SGCZ: variants seen among roughly 807,000 people sequenced by gnomAD.
SGCZ encodes the protein sarcoglycan zeta, also known as zeta-sarcoglycan.
SGCZ carries 40 observed loss-of-function variants against 41.3 expected under a neutral mutation model. The observed-to-expected ratio is 0.97, with a 90% CI of 0.75 to 1.26. The LOEUF (loss-of-function observed/expected upper bound fraction) is 1.26, where lower values mean the gene tolerates loss of function less well. Ranked by LOEUF, SGCZ falls within the 50% of genes most tolerant of loss-of-function variation. SGCZ has a pLI of 0.00. For missense variants in SGCZ, 552 were observed against 369.8 expected (o/e 1.49, Z -4.04); for synonymous variants, 206 against 137.5 (o/e 1.50, Z -3.49).
chr8:14,645,172 G>A (rs923279172), intron 1 of SGCZ, among the ~76,000 whole-genome samples: 1 of 151,606 alleles, frequency 6.6e-6, no homozygotes, highest in African/African-American at 2.4e-5. Context: ...ACTATAAAAT[G>A]AGGAATGGAT....
chr8:14,569,840 C>T (rs1421528434), intron 1 of SGCZ, among the ~76,000 whole-genome samples: 1 of 151,912 alleles, frequency 6.6e-6, no homozygotes, highest in Non-Finnish European at 1.5e-5. Flanking sequence ...GGCTGAAATA[C>T]TTGTTCAGGG....
At chr8:15,113,342 T>C (rs1349443183) in intron 1 of SGCZ, among the ~76,000 whole-genome samples, 1 of 152,206 alleles carries the variant, frequency 6.6e-6, no homozygotes, top group Non-Finnish European at 1.5e-5. Context: ...TGAAGTTCTC[T>C]ATTCATCTAT....
chr8:14,715,125 T>G (rs1168288432), intron 1 of SGCZ, among the ~76,000 whole-genome samples: 1 of 152,116 alleles, frequency 6.6e-6, no homozygotes, highest in Non-Finnish European at 1.5e-5. Flanking sequence ...TGCATATTCA[T>G]GGAAATCTGG....
chr8:14,476,468 A>G (rs564691445), intron 2 of SGCZ, among the ~76,000 whole-genome samples: 12 of 152,096 alleles, frequency 7.9e-5, no homozygotes, highest in African/African-American at 2.9e-4. Flanking sequence ...ATGCATGTAT[A>G]TAATTTATTA....
chr8:14,373,976 TTAAAA>T (rs1804010282), intron 2 of SGCZ, among the ~76,000 whole-genome samples: 1 of 151,716 alleles, frequency 6.6e-6, no homozygotes, highest in African/African-American at 2.4e-5. Flanking sequence ...GCCCCGGAAC[TTAAAA>T]TAAAAATAAA....
intron 2 of SGCZ, among the ~76,000 whole-genome samples, chr8:14,473,626 T>A (rs772339088): frequency 6.6e-6 from 1 of 152,050 alleles, no homozygotes; most frequent in Non-Finnish European, 1.5e-5. Context: ...TGAAATCTTA[T>A]ATGTCAACAG....
chr8:15,178,680 G>T (rs528676608), intron 1 of SGCZ, among the ~76,000 whole-genome samples: 28 of 152,184 alleles, frequency 1.8e-4, no homozygotes, highest in African/African-American at 6.0e-4. Context: ...TTAACATATT[G>T]GAGCTATAAT....
At chr8:14,710,533 T>C (rs1809482799) in intron 1 of SGCZ, among the ~76,000 whole-genome samples, 1 of 152,080 alleles carries the variant, frequency 6.6e-6, no homozygotes. Context: ...TTCCAGTCTT[T>C]ATAAAGTTTT....
chr8:14,621,555 G>C (rs1806286151), intron 1 of SGCZ, among the ~76,000 whole-genome samples: 1 of 152,096 alleles, frequency 6.6e-6, no homozygotes, highest in African/African-American at 2.4e-5. Context: ...TCCCAGTTCT[G>C]CATGCTTAAC....
chr8:15,210,249 T>C (rs1391747922), intron 1 of SGCZ, among the ~76,000 whole-genome samples: 2 of 152,150 alleles, frequency 1.3e-5, no homozygotes, highest in Non-Finnish European at 2.9e-5. Context: ...GTGATACGCA[T>C]TTGCTATAGC....
intron 1 of SGCZ, among the ~76,000 whole-genome samples, chr8:14,913,709 T>C (rs886334296): frequency 4.6e-5 from 7 of 152,086 alleles, no homozygotes; most frequent in East Asian, 1.9e-4. Context: ...ATTTAATAAA[T>C]GATAAGATTG....
intron 1 of SGCZ, among the ~76,000 whole-genome samples, chr8:14,930,780 G>C (rs1015120590): frequency 9.2e-5 from 14 of 152,062 alleles, no homozygotes; most frequent in African/African-American, 2.9e-4. Context: ...ATTGAACAAT[G>C]AGAACACATG....
At chr8:14,590,018 G>T (rs1379528395) in intron 1 of SGCZ, among the ~76,000 whole-genome samples, 1 of 152,082 alleles carries the variant, frequency 6.6e-6, no homozygotes, top group Non-Finnish European at 1.5e-5. Flanking sequence ...TGACCTGGCT[G>T]AATAGTAGGT....
At position 14,927,564 on chromosome 8, in the gene SGCZ, G is replaced by A. The variant is rs115474947; in HGVS notation, c.39+310021C>T. Among the ~76,000 whole-genome samples the A allele has an allele frequency of 5.7e-3, 867 of 152,068 alleles. 8 individuals carry two copies. The highest frequency in any genetic ancestry group is 0.02 in the African/African-American group (827 of 41,490). On this transcript the variant is annotated intron_variant, in intron 1 of 7. Transcript: ENST00000382080. ...AGGAAGAAAGAAGAGGGAGAGAGAC[G>A]AAATGAGAGAATTTTTAAAAAGAGA...
At chr8:14,995,959 A>T (rs970703952) in intron 1 of SGCZ, among the ~76,000 whole-genome samples, 1 of 151,930 alleles carries the variant, frequency 6.6e-6, no homozygotes, top group Non-Finnish European at 1.5e-5. Flanking sequence ...GGTGGAGTGC[A>T]GTGGTGTGAT....
intron 1 of SGCZ, among the ~76,000 whole-genome samples, chr8:14,849,002 TA>T (rs1365519741): frequency 6.6e-6 from 1 of 152,080 alleles, no homozygotes; most frequent in Admixed American, 6.5e-5. Context: ...ACAATTTAAT[TA>T]AAAATTTAGT....
chr8:14,616,741 A>T (rs1806118570), intron 1 of SGCZ, among the ~76,000 whole-genome samples: 1 of 152,156 alleles, frequency 6.6e-6, no homozygotes, highest in Admixed American at 6.6e-5. Flanking sequence ...ATCCCAATTT[A>T]AAACCTTGAA....
intron 1 of SGCZ, among the ~76,000 whole-genome samples, chr8:14,650,964 T>C (rs1409780855): frequency 1.3e-5 from 2 of 152,100 alleles, no homozygotes; most frequent in Non-Finnish European, 2.9e-5. Flanking sequence ...GAATGTCTTA[T>C]ACATTTTCTT....
At chr8:14,093,271 G>A (rs770813536) in intron 7 of SGCZ, among the ~76,000 whole-genome samples, 40 of 152,020 alleles carry the variant, frequency 2.6e-4, no homozygotes, top group Admixed American at 2.2e-3. Context: ...CCTGGTGGCC[G>A]ATTTTTGTCC....
Sources: allele counts gnomAD v4.1 joint callset (sites outside exome capture counted in the v4.1 genomes callset), GRCh38; gene constraint gnomAD v4.1.1; transcripts MANE v1.5; gene names NCBI Gene and HGNC (gene_info 2026-07-23, HGNC 2026-07-21).